Variants in KHDRBS1 observed in about 807,000 individuals in gnomAD.
The protein encoded by KHDRBS1 is KH RNA binding domain containing, signal transduction associated 1.
A neutral mutation model predicts 48.4 loss-of-function variants in KHDRBS1; 7 were observed. The observed-to-expected ratio is 0.14, with a 90% CI of 0.08 to 0.27. The LOEUF (loss-of-function observed/expected upper bound fraction) is 0.27. KHDRBS1 is among the 10% of genes least tolerant of loss of function. The pLI is 1.00. For missense variants in KHDRBS1, 458 were observed against 601.2 expected (o/e 0.76, Z 2.49); for synonymous variants, 241 against 235.8 (o/e 1.02, Z -0.20).
At position 32,030,336 on chromosome 1, in the gene KHDRBS1, G is replaced by C. The variant is rs1283374980; in HGVS notation, c.421G>C (p.Asp141His). Residue 141 changes from aspartate (D) to histidine (H), a missense_variant, in exon 2 of 9, where the codon GAT becomes CAT. This residue lies in a region of KHDRBS1 where 213 missense variants were observed against 215.6 expected (regional missense o/e 0.99). Coordinates refer to ENST00000327300, the MANE Select transcript of KHDRBS1 (RefSeq NM_006559.3). ...KIQKGDSKKDDEENYLDLFSH... is the reference protein window; with the variant it reads ...KIQKGDSKKDHEENYLDLFSH... ...TCAGAAAGGAGACTCAAAAAAGGAT[G>C]ATGAGGAGAATTACTTGGATTTATT... is the stretch of plus-strand genomic sequence containing the variant. The C allele has an allele frequency of 1.9e-6, 3 of 1,611,034 alleles. No individual in the cohort carries two copies. Among genetic ancestry groups the C allele is most frequent in the African/African-American group, 2.7e-5 (2 of 74,834 alleles).
intron 1 of KHDRBS1, among the ~76,000 whole-genome samples, chr1:32,022,251 G>C (rs979405442): frequency 6.6e-6 from 1 of 152,006 alleles, no homozygotes; most frequent in African/African-American, 2.4e-5. Flanking sequence ...GCCCACCTTG[G>C]CCTCCCAAAG....
intron 2 of KHDRBS1, 106 bp downstream of exon 2, chr1:32,030,528 C>A: frequency 2.2e-6 from 2 of 908,688 alleles, no homozygotes; most frequent in Non-Finnish European, 3.1e-6. Context: ...GAAACTTAAG[C>A]CTGTGAAGCT....
At chr1:32,020,122 CT>C (rs1638829127) in intron 1 of KHDRBS1, among the ~76,000 whole-genome samples, 1 of 152,034 alleles carries the variant, frequency 6.6e-6, no homozygotes, top group Middle Eastern at 3.4e-3. Flanking sequence ...ACTAAATGTG[CT>C]TATTGGCTGG....
chr1:32,041,294 G>T lies in KHDRBS1; in HGVS notation c.1235-1233G>T, dbSNP rs770684120. On this transcript the variant is annotated intron_variant, in intron 8 of 8. Coordinates refer to ENST00000327300, the MANE Select transcript of KHDRBS1 (RefSeq NM_006559.3). ...ATACTAGGGGTATAATTAGGGTTCT[G>T]TGTGACTTTAGATCTGTATAGGAGT... Among the ~76,000 whole-genome samples, 51 of 152,318 alleles carry T rather than the reference G, an allele frequency of 3.3e-4. No homozygotes were observed. The Middle Eastern group carries it at 0.014, about 41-fold the overall frequency.
chr1:32,026,080 C>G (rs1221168456), intron 1 of KHDRBS1, among the ~76,000 whole-genome samples: 1 of 151,784 alleles, frequency 6.6e-6, no homozygotes, highest in East Asian at 1.9e-4. Context: ...CTGTGCCCAA[C>G]CAGTCCTTTG....
intron 10 of KHDRBS1, among the ~76,000 whole-genome samples, chr1:32,058,098 A>G (rs1053280217): frequency 5.9e-5 from 9 of 151,290 alleles, no homozygotes; most frequent in Non-Finnish European, 1.2e-4. Flanking sequence ...AGACTGGGCA[A>G]TAAGAGTGAA....
At chr1:32,058,048 G>A (rs761872932) in intron 10 of KHDRBS1, among the ~76,000 whole-genome samples, 2 of 151,736 alleles carry the variant, frequency 1.3e-5, no homozygotes, top group Non-Finnish European at 2.9e-5. Flanking sequence ...AACCCAGGAG[G>A]CGGAGGTAGG....
At chr1:32,015,730 G>T (rs764949645) in intron 1 of KHDRBS1, among the ~76,000 whole-genome samples, 1 of 152,184 alleles carries the variant, frequency 6.6e-6, no homozygotes, top group Non-Finnish European at 1.5e-5. Context: ...TGGGATGTAT[G>T]AATTCTTTCT....
At chr1:32,020,253 C>T (rs1638831474) in intron 1 of KHDRBS1, among the ~76,000 whole-genome samples, 1 of 150,512 alleles carries the variant, frequency 6.6e-6, no homozygotes. Context: ...AATGGCGGCA[C>T]ACACCCATAG....
At chr1:32,024,116 G>C (rs1409128678) in intron 1 of KHDRBS1, among the ~76,000 whole-genome samples, 1 of 152,150 alleles carries the variant, frequency 6.6e-6, no homozygotes, top group Non-Finnish European at 1.5e-5. Flanking sequence ...GCTGGGCGTG[G>C]TGGCAGATGC....
chr1:32,048,214 A>C (rs1013396126), downstream of KHDRBS1, among the ~76,000 whole-genome samples: 1 of 152,058 alleles, frequency 6.6e-6, no homozygotes, highest in African/African-American at 2.4e-5. Context: ...TCCCTTCTCT[A>C]AAAATTTTCT....
At chr1:32,026,955 T>C (rs1250100562) in intron 1 of KHDRBS1, among the ~76,000 whole-genome samples, 1 of 152,142 alleles carries the variant, frequency 6.6e-6, no homozygotes. Context: ...CCACCACGCC[T>C]GGCTAATTTT....
intron 1 of KHDRBS1, among the ~76,000 whole-genome samples, chr1:32,018,734 G>A (rs1403463643): frequency 2.7e-5 from 4 of 150,866 alleles, no homozygotes; most frequent in Admixed American, 6.6e-5. Context: ...TCCAGCCTGG[G>A]GGACAGAGTG....
intron 1 of KHDRBS1, among the ~76,000 whole-genome samples, chr1:32,018,849 T>C (rs1362522027): frequency 6.6e-6 from 1 of 152,074 alleles, no homozygotes; most frequent in Non-Finnish European, 1.5e-5. Context: ...GGCAGTCGGA[T>C]CACTTGAGGT....
rs1297209118 is a variant in KHDRBS1, at chr1:32,039,501, C to G, written c.1176-14C>G. 2.2e-5 allele frequency: 29 copies of G among 1,293,344 alleles called. No homozygotes were observed. The highest frequency in any genetic ancestry group is 3.3e-5 in the Non-Finnish European group (29 of 887,546). 80.1% of individuals were successfully genotyped at this position (1,293,344 alleles called of 1,614,324 possible). A position where few individuals can be genotyped will look rare whatever the true frequency, so the allele number is the denominator to read the frequency against. On this transcript the variant is annotated splice_polypyrimidine_tract_variant and intron_variant, in intron 7 of 8. Coordinates refer to ENST00000327300, the MANE Select transcript of KHDRBS1 (RefSeq NM_006559.3). ...TACTCTGTAGCTTCCTAACACTCTG[C>G]CTTTGGCTTTCAGGGACTCAGAATA...
At chr1:32,040,346 G>A (rs912516381) in intron 8 of KHDRBS1, among the ~76,000 whole-genome samples, 1 of 152,026 alleles carries the variant, frequency 6.6e-6, no homozygotes, top group African/African-American at 2.4e-5. Context: ...AACCTGGGAG[G>A]CGGAGGTTGC....
At chr1:32,014,499 C>A in intron 1 of KHDRBS1, 122 bp downstream of exon 1, 1 of 1,046,642 alleles carries the variant, frequency 9.6e-7, no homozygotes, top group Non-Finnish European at 1.2e-6. Flanking sequence ...CCGGTCTCAT[C>A]CTCATTTTTG....
chr1:32,051,036 T>G (rs867683334), intron 10 of KHDRBS1, among the ~76,000 whole-genome samples: 2 of 152,072 alleles, frequency 1.3e-5, no homozygotes, highest in South Asian at 2.1e-4. Context: ...TAGCTGGGAT[T>G]ACAGGCGCCC....
chr1:32,022,856 C>T (rs1638888957), intron 1 of KHDRBS1, among the ~76,000 whole-genome samples: 1 of 151,558 alleles, frequency 6.6e-6, no homozygotes, highest in Non-Finnish European at 1.5e-5. Flanking sequence ...CGCCACTGCA[C>T]TCCAGTGTGG....
Sources: gnomAD v4.1 joint callset for allele counts (sites outside exome capture counted in the v4.1 genomes callset) on GRCh38, gnomAD v4.1.1 for gene constraint, gnomAD v4.1.1 regional missense constraint, MANE v1.5 for transcripts, NCBI Gene and HGNC (gene_info 2026-07-23, HGNC 2026-07-21) for gene names.